Variants in FABP7 observed in about 807,000 individuals in gnomAD.
FABP7 encodes fatty acid binding protein 7.
A neutral mutation model predicts 14.2 loss-of-function variants in FABP7; 13 were observed. The observed-to-expected ratio is 0.91, with a 90% CI of 0.59 to 1.45. The LOEUF is 1.45. Among genes scored for constraint, FABP7 ranks in the 40% most tolerant of loss-of-function variants. FABP7 has a pLI of 0.00. For missense variants in FABP7, 149 were observed against 157.6 expected (o/e 0.95, Z 0.29); for synonymous variants, 49 against 51.4 (o/e 0.95, Z 0.20).
At chr6:122,769,850 C>T in the FABP7 span, among the ~76,000 whole-genome samples, 4 of 151,928 alleles carry the variant, frequency 2.6e-5, no homozygotes, top group African/African-American at 7.3e-5. Context: ...AGTTGCTTTG[C>T]GGTGAAAGAA....
chr6:122,768,650 A>G, the FABP7 span, among the ~76,000 whole-genome samples: 41 of 152,278 alleles, frequency 2.7e-4, no homozygotes, highest in African/African-American at 7.9e-4. Flanking sequence ...TAATTATGTA[A>G]TTAGCCAAAT....
rs1780855333 is a variant in FABP7, at chr6:122,783,840, A to G, written c.*73A>G. The G allele has an allele frequency of 8.5e-7, 1 of 1,175,676 alleles. No individual in the cohort carries two copies. Among genetic ancestry groups the G allele is most frequent in the Admixed American group, 2.2e-5 (1 of 46,010 alleles). 72.8% of individuals were successfully genotyped at this position (1,175,676 alleles called of 1,614,324 possible). ...CCTCAAGTCTCAGTGCTATCCTATT[A>G]CAACATGGCTGATCATTAATTAGAA... On this transcript the variant is annotated 3_prime_UTR_variant, in exon 4 of 4. Transcript: ENST00000368444.
At chr6:122,764,168 G>T in the FABP7 span, among the ~76,000 whole-genome samples, 18 of 152,324 alleles carry the variant, frequency 1.2e-4, no homozygotes, top group Admixed American at 1.0e-3. Flanking sequence ...ACTGGATTCA[G>T]AAGATGTGGC....
At chr6:122,755,514 T>C in the FABP7 span, among the ~76,000 whole-genome samples, 4 of 147,766 alleles carry the variant, frequency 2.7e-5, no homozygotes, top group Admixed American at 6.9e-5. Flanking sequence ...GCTGGAGTGG[T>C]GCAATCTCGG....
the FABP7 span, among the ~76,000 whole-genome samples, chr6:122,752,813 C>T: frequency 0.047 from 7,219 of 152,258 alleles, 194 homozygotes; most frequent in East Asian, 0.11. Flanking sequence ...TCTCTACCCC[C>T]TCTACATTGT....
chr6:122,772,471 C>T, the FABP7 span, among the ~76,000 whole-genome samples: 2 of 152,282 alleles, frequency 1.3e-5, no homozygotes, highest in Non-Finnish European at 2.9e-5. Context: ...TCAGGCTGGA[C>T]TGCAGTGGCA....
the FABP7 span, among the ~76,000 whole-genome samples, chr6:122,759,182 G>C: frequency 5.3e-5 from 8 of 152,044 alleles, no homozygotes; most frequent in Admixed American, 3.9e-4. Flanking sequence ...ACAGTACAGA[G>C]CCTAGATGTT....
At position 122,781,082 on chromosome 6, in the gene FABP7, G is replaced by T; in HGVS notation, c.247-11G>T. 3 of 1,606,772 alleles carry T rather than the reference G, an allele frequency of 1.9e-6. No individual in the cohort carries two copies. Among genetic ancestry groups the T allele is most frequent in the Non-Finnish European group, 1.7e-6 (2 of 1,174,620 alleles). On this transcript the variant is annotated splice_polypyrimidine_tract_variant and intron_variant, in intron 2 of 3. Coordinates refer to ENST00000368444, the MANE Select transcript of FABP7 (RefSeq NM_001446.5). The stretch of plus-strand genomic sequence containing the variant: ...TTATTGCTATGTTCTGCATTTTGTT[G>T]TTGGTCTCAGTCTGTTGTTAGCCTG...
In FABP7 at chr6:122,783,094, A is replaced by C. The variant is rs145802845; in HGVS notation, c.349-623A>C. 813 of 985,190 alleles carry C rather than the reference A, an allele frequency of 8.3e-4. 7 individuals carry two copies. The African/African-American group carries it at 0.013, about 16-fold the overall frequency. The allele number at this position is 985,190 out of a possible 1,614,324, so 61.0% of individuals were successfully genotyped here. On this transcript the variant is annotated intron_variant, in intron 3 of 3. Coordinates refer to ENST00000368444, the MANE Select transcript of FABP7 (RefSeq NM_001446.5). ...ATACATGAAAACCATGAGCACCAAA[A>C]CCCCCTAAGTTCTGTAAAGTGGTTT...
chr6:122,783,540 CAT>C, intron 3 of FABP7, 175 bp from the exon 4 acceptor site: 1 of 985,212 alleles, frequency 1.0e-6, no homozygotes, highest in South Asian at 4.7e-5. Flanking sequence ...ATTTCAGAGA[CAT>C]AAACTGTATA....
chr6:122,761,375 T>A, the FABP7 span, among the ~76,000 whole-genome samples: 1 of 152,206 alleles, frequency 6.6e-6, no homozygotes, highest in Non-Finnish European at 1.5e-5. Context: ...ATTACTTATA[T>A]GCTAAAGAAG....
chr6:122,765,498 T>G, the FABP7 span, among the ~76,000 whole-genome samples: 1 of 151,994 alleles, frequency 6.6e-6, no homozygotes, highest in Non-Finnish European at 1.5e-5. Context: ...ATATTCCAGT[T>G]CTTTTGATGT....
At chr6:122,772,032 T>A in the FABP7 span, among the ~76,000 whole-genome samples, 2 of 152,324 alleles carry the variant, frequency 1.3e-5, no homozygotes, top group African/African-American at 4.8e-5. Context: ...AATGACTGAT[T>A]ACAAAAGTAA....
the FABP7 span, among the ~76,000 whole-genome samples, chr6:122,749,838 C>T: frequency 5.9e-5 from 9 of 152,154 alleles, no homozygotes; most frequent in African/African-American, 1.2e-4. Flanking sequence ...GATCATTTCC[C>T]GTAATACCAA....
the FABP7 span, among the ~76,000 whole-genome samples, chr6:122,771,388 A>G: frequency 6.6e-6 from 1 of 152,292 alleles, no homozygotes; most frequent in African/African-American, 2.4e-5. Flanking sequence ...ACTTCCTTTT[A>G]TAGCTACCTA....
upstream of FABP7, among the ~76,000 whole-genome samples, chr6:122,777,602 A>T (rs1780696377): frequency 6.6e-6 from 1 of 152,208 alleles, no homozygotes; most frequent in Non-Finnish European, 1.5e-5. Flanking sequence ...GAATTAGGCC[A>T]TTCATCTTGC....
chr6:122,763,426 C>T, the FABP7 span, among the ~76,000 whole-genome samples: 3 of 152,046 alleles, frequency 2.0e-5, no homozygotes, highest in Non-Finnish European at 4.4e-5. Flanking sequence ...GACCTAAAAC[C>T]ATAAAAACCC....
chr6:122,781,603 C>A, intron 3 of FABP7: 1 of 1,156,238 alleles, frequency 8.6e-7, no homozygotes, highest in Middle Eastern at 3.6e-4. Flanking sequence ...CTTTATAGCT[C>A]CTGTAATAAG....
chr6:122,778,762 C>A, upstream of FABP7, among the ~76,000 whole-genome samples: 1 of 152,184 alleles, frequency 6.6e-6, no homozygotes, highest in Non-Finnish European at 1.5e-5. Context: ...TCCTCCAGTT[C>A]CTGCCCTTCC....
Sources: gnomAD v4.1 joint callset for allele counts (sites outside exome capture counted in the v4.1 genomes callset) on GRCh38, gnomAD v4.1.1 for gene constraint, MANE v1.5 for transcripts, NCBI Gene and HGNC (gene_info 2026-07-23, HGNC 2026-07-21) for gene names.